MAF: variants seen among roughly 807,000 people sequenced by gnomAD.
The protein encoded by MAF is transcription factor Maf.
MAF carries 10 observed loss-of-function variants against 22.0 expected under a neutral mutation model. The ratio of observed to expected loss-of-function variants is 0.45; its 90% CI spans 0.28 to 0.77. The LOEUF (loss-of-function observed/expected upper bound fraction) is 0.77, where lower values mean the gene tolerates loss of function less well. Ranked by LOEUF, MAF falls within the 30% of genes least tolerant of loss-of-function variation. The probability of loss-of-function intolerance (pLI) is 0.12; values close to 1 mark genes in which losing one functional copy is unlikely to be tolerated. For missense variants in MAF, 544 were observed against 548.4 expected, an observed-to-expected ratio of 0.99 and a Z score of 0.08; for synonymous variants, 337 against 255.8, an observed-to-expected ratio of 1.32 and a Z score of -3.03.
chr16:79,213,752 AGAG>A, the MAF span, among the ~76,000 whole-genome samples: 1 of 152,132 alleles, frequency 6.6e-6, no homozygotes, highest in Admixed American at 6.5e-5. Flanking sequence ...GTGCCAATTC[AGAG>A]GAGAAGAAAC....
the MAF span, among the ~76,000 whole-genome samples, chr16:79,227,150 C>T: frequency 3.3e-5 from 5 of 152,066 alleles, no homozygotes; most frequent in Non-Finnish European, 7.4e-5. Context: ...TGAGCCTGGT[C>T]TCAACCCCAT....
chr16:79,364,801 G>C, the MAF span, among the ~76,000 whole-genome samples: 196 of 152,330 alleles, frequency 1.3e-3, 1 homozygote, highest in African/African-American at 4.5e-3. Flanking sequence ...TAAAGAGGCA[G>C]AACTATTGCA....
At chr16:79,538,972 G>C in the MAF span, among the ~76,000 whole-genome samples, 1 of 151,754 alleles carries the variant, frequency 6.6e-6, no homozygotes, top group East Asian at 1.9e-4. Context: ...AAAAGGAAAA[G>C]AACAGACAAT....
chr16:79,452,536 A>C, the MAF span, among the ~76,000 whole-genome samples: 3 of 152,212 alleles, frequency 2.0e-5, no homozygotes, highest in Admixed American at 6.5e-5. Flanking sequence ...ACACTCTATA[A>C]GATGACTTTT....
At chr16:79,585,203 A>T (rs1368632901), downstream of MAF, among the ~76,000 whole-genome samples, 1 of 152,214 alleles carries the variant, frequency 6.6e-6, no homozygotes, top group Admixed American at 6.5e-5. Flanking sequence ...ATGCTGGGAC[A>T]CTTGTAATTG....
At chr16:79,575,068 TAA>T in the MAF span, among the ~76,000 whole-genome samples, 1 of 151,238 alleles carries the variant, frequency 6.6e-6, no homozygotes, top group Admixed American at 6.6e-5. Context: ...CAACGGCCAC[TAA>T]AGGTTCTTGA....
chr16:79,209,905 C>T, the MAF span, among the ~76,000 whole-genome samples: 2 of 152,150 alleles, frequency 1.3e-5, no homozygotes, highest in Non-Finnish European at 2.9e-5. Context: ...AACTCATTTC[C>T]ATTAGACTTG....
At chr16:79,244,244 G>A in the MAF span, among the ~76,000 whole-genome samples, 22 of 151,904 alleles carry the variant, frequency 1.4e-4, 1 homozygote, top group African/African-American at 5.3e-4. Context: ...AGAAATAAAG[G>A]GTATTCAAAT....
chr16:79,229,932 A>T, the MAF span, among the ~76,000 whole-genome samples: 1 of 152,012 alleles, frequency 6.6e-6, no homozygotes, highest in African/African-American at 2.4e-5. Flanking sequence ...TTTGCATGCA[A>T]TGTTAAACAC....
At chr16:79,277,278 C>G in the MAF span, among the ~76,000 whole-genome samples, 1 of 152,162 alleles carries the variant, frequency 6.6e-6, no homozygotes, top group African/African-American at 2.4e-5. Context: ...AATTCGCATA[C>G]AGGGGTACCA....
chr16:79,594,922 C>A (rs1913424059), intron 1 of MAF: 2 of 1,139,422 alleles, frequency 1.8e-6, no homozygotes, highest in Non-Finnish European at 2.2e-6. Flanking sequence ...AGATTCCTAT[C>A]AAAATGCTTA....
chr16:79,412,777 G>A, the MAF span, among the ~76,000 whole-genome samples: 1 of 152,184 alleles, frequency 6.6e-6, no homozygotes, highest in Non-Finnish European at 1.5e-5. Flanking sequence ...CTGTCCTAAA[G>A]GACAGAGGAA....
chr16:79,452,659 G>A, the MAF span, among the ~76,000 whole-genome samples: 1 of 151,994 alleles, frequency 6.6e-6, no homozygotes, highest in Non-Finnish European at 1.5e-5. Flanking sequence ...TTCTATTTGG[G>A]CACCTAGATT....
chr16:79,557,660 G>A, the MAF span, among the ~76,000 whole-genome samples: 4 of 152,044 alleles, frequency 2.6e-5, no homozygotes, highest in African/African-American at 9.7e-5. Context: ...GGGATGACCT[G>A]TGTCATACCT....
chr16:79,431,903 A>C, the MAF span, among the ~76,000 whole-genome samples: 17 of 151,848 alleles, frequency 1.1e-4, no homozygotes, highest in Non-Finnish European at 2.2e-4. Flanking sequence ...CCTTTCCCTC[A>C]TATGCCTATG....
the MAF span, among the ~76,000 whole-genome samples, chr16:79,235,124 G>A: frequency 6.6e-6 from 1 of 152,042 alleles, no homozygotes; most frequent in Admixed American, 6.6e-5. Context: ...CATTTTTGGG[G>A]TGGTTTGTTA....
chr16:79,356,302 C>G, the MAF span, among the ~76,000 whole-genome samples: 104 of 152,292 alleles, frequency 6.8e-4, no homozygotes, highest in African/African-American at 2.4e-3. Flanking sequence ...CTTGCAAGCT[C>G]TCAATTTTAA....
chr16:79,349,805 G>A, the MAF span, among the ~76,000 whole-genome samples: 14 of 152,164 alleles, frequency 9.2e-5, no homozygotes, highest in Admixed American at 5.9e-4. Context: ...CTAACTGCTT[G>A]CCTGTGCGTT....
At chr16:79,450,667 G>C in the MAF span, among the ~76,000 whole-genome samples, 3 of 152,062 alleles carry the variant, frequency 2.0e-5, no homozygotes, top group African/African-American at 7.2e-5. Flanking sequence ...TTGTCTGACT[G>C]TTTTATTCCT....
Sources: allele counts gnomAD v4.1 joint callset (sites outside exome capture counted in the v4.1 genomes callset), GRCh38; gene constraint gnomAD v4.1.1; transcripts MANE v1.5; gene names NCBI Gene and HGNC (gene_info 2026-07-23, HGNC 2026-07-21).